PLK4: variants seen among roughly 807,000 people sequenced by gnomAD.
PLK4 encodes serine/threonine-protein kinase PLK4.
In PLK4, 51 loss-of-function variants were observed where a neutral mutation model predicts 103.0. That is an observed-to-expected ratio of 0.50 (90% CI 0.40 to 0.63). The LOEUF is 0.63. Ranked by LOEUF, PLK4 falls within the 20% of genes least tolerant of loss-of-function variation. The probability of loss-of-function intolerance (pLI) is 0.00; values close to 1 mark genes in which losing one functional copy is unlikely to be tolerated. For missense variants in PLK4, 1,054 were observed against 1,151.0 expected, an observed-to-expected ratio of 0.92 and a Z score of 1.22; for synonymous variants, 389 against 376.8, an observed-to-expected ratio of 1.03 and a Z score of -0.38.
At chr4:127,894,573 C>G (rs1339712003) in intron 13 of PLK4, among the ~76,000 whole-genome samples, 1 of 152,062 alleles carries the variant, frequency 6.6e-6, no homozygotes, top group Non-Finnish European at 1.5e-5. Context: ...TGCCTAAATG[C>G]TCATGATAGA....
Position 127,881,026 on chromosome 4 carries a change from G to C in PLK4, c.-109G>C. On this transcript the variant is annotated 5_prime_UTR_variant, in exon 1 of 16. An upstream open reading frame in the 5' UTR loses its in-frame stop. Coordinates refer to ENST00000270861, the MANE Select transcript of PLK4 (RefSeq NM_014264.5). ...CGTCGTCGCCTGGAGCGGCGGTTTA[G>C]AGAGCCGAGCCTGATGGGCGCCAAG... 1 of 1,298,958 alleles carries C rather than the reference G, an allele frequency of 7.7e-7. No homozygotes were observed. The highest frequency in any genetic ancestry group is 1.1e-6 in the Non-Finnish European group (1 of 908,130). The allele number at this position is 1,298,958 out of a possible 1,614,324, so 80.5% of individuals were successfully genotyped here.
At chr4:127,887,608 T>A in intron 6 of PLK4, 112 bp downstream of exon 6, 1 of 691,754 alleles carries the variant, frequency 1.4e-6, no homozygotes, top group Non-Finnish European at 2.5e-6. Context: ...CTTGGTGCAG[T>A]AGCTCATGCC....
intron 9 of PLK4, chr4:127,891,904 C>G (rs1735374199): frequency 3.5e-6 from 1 of 283,712 alleles, no homozygotes; most frequent in South Asian, 1.5e-4. Context: ...AAAACTAACT[C>G]TAGAACATTA....
intron 14 of PLK4, 49 bp from the exon 15 acceptor site, chr4:127,896,750 GTT>G (rs35646358): frequency 1.3e-3 from 1,064 of 815,050 alleles, no homozygotes; most frequent in East Asian, 3.4e-3. Context: ...TACTACTGCT[GTT>G]TTTTTTTTTT....
In PLK4 at chr4:127,893,288, TA is replaced by T; in HGVS notation, c.2197del (p.Ile733TyrfsTer10). On this transcript the variant is annotated frameshift_variant, in exon 11 of 16. Coordinates refer to ENST00000270861, the MANE Select transcript of PLK4 (RefSeq NM_014264.5). LOFTEE classifies it high-confidence loss of function. ...TTTTCTGATTTTTTTTTTTTAGGGG[TA>T]AAAATACACAAAACAGAAGATTTCA... ...ADFEVWFYDG[V>X]KIHKTEDFIQ... The T allele has an allele frequency of 1.3e-6, 2 of 1,543,752 alleles. No individual in the cohort carries two copies. Among genetic ancestry groups the T allele is most frequent in the Non-Finnish European group, 8.8e-7 (1 of 1,142,286 alleles).
chr4:127,886,043 T>G lies in PLK4; in HGVS notation c.673T>G (p.Leu225Val). ...CAAGAACACATTAAATAAAGTAGTA[T>G]TGGCAGATTATGAAATGCCATCTTT... ...TVKNTLNKVVLADYEMPSFLS... is the reference protein window; with the variant it reads ...TVKNTLNKVVVADYEMPSFLS... Residue 225 changes from leucine to valine, a missense_variant, in exon 5 of 16, where the codon TTG becomes GTG. This residue lies in a region of PLK4 where 680 missense variants were observed against 660.3 expected (regional missense o/e 1.03). Coordinates refer to ENST00000270861, the MANE Select transcript of PLK4 (RefSeq NM_014264.5). 1 of 1,614,046 alleles carries G rather than the reference T, an allele frequency of 6.2e-7. No homozygotes were observed. Among genetic ancestry groups the G allele is most frequent in the East Asian group, 2.2e-5 (1 of 44,890 alleles).
Position 127,886,613 on chromosome 4 carries a change from GA to G in PLK4, c.1247del (p.Asn416MetfsTer70). On this transcript the variant is annotated frameshift_variant, in exon 5 of 16. Transcript: ENST00000270861. LOFTEE classifies it high-confidence loss of function. ...LSVSKRSGGGENEERYSPTDN... is the reference protein window; with the variant it reads ...LSVSKRSGGGXNEERYSPTDN... ...AGTGTCCAAAAGATCAGGAGGAGGTGAAAATGAAGAGAGGTACTCACCCACA... is the reference window on the plus strand; with the variant it reads ...AGTGTCCAAAAGATCAGGAGGAGGTGAAATGAAGAGAGGTACTCACCCACA... The G allele has an allele frequency of 6.2e-7, 1 of 1,613,910 alleles. No homozygotes were observed. The highest frequency in any genetic ancestry group is 8.5e-7 in the Non-Finnish European group (1 of 1,179,786).
chr4:127,881,804 A>G, intron 1 of PLK4, 27 bp from the exon 2 acceptor site: 1 of 1,289,570 alleles, frequency 7.8e-7, no homozygotes, highest in African/African-American at 1.5e-5. Flanking sequence ...GAGTCATCAC[A>G]CATAATCTTT....
chr4:127,897,876 T>G (rs185377875), intron 15 of PLK4, among the ~76,000 whole-genome samples: 5 of 130,030 alleles, frequency 3.8e-5, no homozygotes, highest in Non-Finnish European at 6.4e-5. Context: ...AGTCTCGCTC[T>G]GTTGCCCAGG....
Position 127,886,685 on chromosome 4 carries a change from A to G in PLK4, c.1315A>G (p.Ser439Gly), listed in dbSNP as rs1176043500. 27 of 1,611,622 alleles carry G rather than the reference A, an allele frequency of 1.7e-5. No homozygotes were observed. Among genetic ancestry groups the G allele is most frequent in the Non-Finnish European group, 2.2e-5 (26 of 1,178,860 alleles). Reference protein sequence around the residue: ...IFNFFKEKTSSSSGSFERPDN... With the variant: ...IFNFFKEKTSGSSGSFERPDN... ...TAACTTCTTTAAAGAAAAGACATCCAGTAGTTCTGGATCTTTTGAAAGACC... is the reference window on the plus strand; with the variant it reads ...TAACTTCTTTAAAGAAAAGACATCCGGTAGTTCTGGATCTTTTGAAAGACC... Residue 439 changes from serine (S) to glycine (G), a missense_variant, in exon 5 of 16, where the codon AGT becomes GGT. This residue lies in a region of PLK4 where 680 missense variants were observed against 660.3 expected (regional missense o/e 1.03). Transcript: ENST00000270861.
At position 127,881,364 on chromosome 4, in the gene PLK4, G is replaced by A. The variant is rs2148814752; in HGVS notation, c.30+200G>A. 2.8e-6 allele frequency: 4 copies of A among 1,438,744 alleles called. No individual in the cohort carries two copies. In the East Asian group the frequency reaches 7.6e-5, roughly 27 times the overall value. 89.1% of individuals were successfully genotyped at this position (1,438,744 alleles called of 1,614,324 possible). A position where few individuals can be genotyped will look rare whatever the true frequency, so the allele number is the denominator to read the frequency against. On this transcript the variant is annotated intron_variant, in intron 1 of 15. Transcript: ENST00000270861. ...CTCAAGAGACAAGAGTAGGGAAGGC[G>A]GGACAGGTGAGTCCCTCCCCGCCCG...
At chr4:127,881,287 G>C (rs1009048422) in intron 1 of PLK4, 123 bp downstream of exon 1, 1 of 1,560,314 alleles carries the variant, frequency 6.4e-7, no homozygotes, top group Non-Finnish European at 8.7e-7. Context: ...GGTGCTTAGG[G>C]AGGGTCCCAA....
In PLK4 at chr4:127,882,046, A is replaced by G. The variant is rs534728821; in HGVS notation, c.126+120A>G. On this transcript the variant is annotated intron_variant, in intron 2 of 15. Coordinates refer to ENST00000270861, the MANE Select transcript of PLK4 (RefSeq NM_014264.5). ...TTGATTATAGTGTAAGGAACACTTT[A>G]CATAGGCAGAAGACAATAGTGCCAA... 2.8e-4 allele frequency: 174 copies of G among 619,926 alleles called. 1 individual carries two copies. In the African/African-American group the frequency reaches 3.0e-3, roughly 11 times the overall value. The allele number at this position is 619,926 out of a possible 1,614,324, so 38.4% of individuals were successfully genotyped here.
chr4:127,887,262 A>G (rs535058863), intron 5 of PLK4, 134 bp from the exon 6 acceptor site: 3 of 604,632 alleles, frequency 5.0e-6, no homozygotes, highest in South Asian at 2.2e-5. Context: ...AGTTATGCCA[A>G]TATTGTTTTC....
intron 2 of PLK4, 148 bp downstream of exon 2, chr4:127,882,074 C>T (rs552874427): frequency 8.8e-6 from 5 of 566,806 alleles, no homozygotes; most frequent in Middle Eastern, 4.6e-4. Flanking sequence ...AGTGCCAAGT[C>T]CAGCCGTTGA....
chr4:127,895,026 A>G lies in PLK4; in HGVS notation c.2636A>G (p.Asp879Gly). The G allele has an allele frequency of 6.2e-7, 1 of 1,611,436 alleles. No homozygotes were observed. The change falls in exon 14 of 16, where the codon GAT becomes GGT. Residue 879 changes from aspartate to glycine, a missense_variant. Asp to Gly is a moderately conservative substitution (Grantham distance 94, BLOSUM62 -1). This residue lies in a region of PLK4 where 167 missense variants were observed against 200.7 expected (regional missense o/e 0.83). Coordinates refer to ENST00000270861, the MANE Select transcript of PLK4 (RefSeq NM_014264.5). ...GTDISSNSLK[D>G]CLPKSAQLLK... ...GACATCTCTTCTAATAGTCTAAAAGATTGTCTTCCTAAATCAGCACAACTT... is the reference window on the plus strand; with the variant it reads ...GACATCTCTTCTAATAGTCTAAAAGGTTGTCTTCCTAAATCAGCACAACTT...
Position 127,893,795 on chromosome 4 carries a change from T to C in PLK4, c.2476T>C (p.Tyr826His), listed in dbSNP as rs987776624. 1.2e-6 allele frequency: 2 copies of C among 1,613,526 alleles called. No homozygotes were observed. Among genetic ancestry groups the C allele is most frequent in the African/African-American group, 1.3e-5 (1 of 75,022 alleles). The change falls in exon 13 of 16, where the codon TAC becomes CAC. Residue 826 changes from tyrosine (Y) to histidine (H), a missense_variant. Physicochemically the swap from Tyr to His is moderately conservative, Grantham distance 83. Coordinates refer to ENST00000270861, the MANE Select transcript of PLK4 (RefSeq NM_014264.5). ...LSPPPSVDSN[Y>H]PTRERASFNR... is the part of the protein sequence containing the mutation. The stretch of plus-strand genomic sequence containing the variant: ...ACCTCCTCCTTCTGTGGATTCAAAT[T>C]ACCCAACGAGAGAGAGAGCATCTTT...
intron 6 of PLK4, among the ~76,000 whole-genome samples, chr4:127,888,354 G>C (rs1054316713): frequency 6.6e-6 from 1 of 152,040 alleles, no homozygotes; most frequent in South Asian, 2.1e-4. Context: ...CCGTCTTACA[G>C]ATGAGGAAAC....
At chr4:127,883,604 G>A (rs1315717205) in intron 4 of PLK4, 51 bp downstream of exon 4, 1 of 772,456 alleles carries the variant, frequency 1.3e-6, no homozygotes, top group Admixed American at 2.3e-5. Context: ...TAAAAGTTTT[G>A]CATTTTAAAG....
Sources: allele counts gnomAD v4.1 joint callset (sites outside exome capture counted in the v4.1 genomes callset), GRCh38; gene constraint gnomAD v4.1.1; regional missense constraint gnomAD v4.1.1; transcripts MANE v1.5; gene names NCBI Gene and HGNC (gene_info 2026-07-23, HGNC 2026-07-21).